RPL3: variants seen among roughly 807,000 people sequenced by gnomAD.
RPL3 encodes the protein ribosomal protein L3, also known as large ribosomal subunit protein uL3.
In RPL3, 3 loss-of-function variants were observed where a neutral mutation model predicts 46.0. The ratio of observed to expected loss-of-function variants is 0.07; its 90% CI spans 0.03 to 0.17. The LOEUF (loss-of-function observed/expected upper bound fraction) is 0.17. RPL3 is among the 10% of genes least tolerant of loss of function. The pLI, the probability that RPL3 is intolerant of heterozygous loss-of-function variation, is 1.00. For missense variants in RPL3, 387 were observed against 532.7 expected, an observed-to-expected ratio of 0.73 and a Z score of 2.69; for synonymous variants, 224 against 190.8, an observed-to-expected ratio of 1.17 and a Z score of -1.43.
Position 39,318,817 on chromosome 22 carries a change from G to A in RPL3, c.4-225C>T, listed in dbSNP as rs188829693. ...ATCTTATTTCAAATCCTCTCAACCT[G>A]TAAGAAAACGACCCATTTTTTTTAT... On this transcript the variant is annotated intron_variant, in intron 1 of 9. Transcript: ENST00000216146. Among the ~76,000 whole-genome samples, 5 of 152,214 alleles carry A rather than the reference G, an allele frequency of 3.3e-5. No individual in the cohort carries two copies. The East Asian group carries it at 9.6e-4, about 29-fold the overall frequency.
chr22:39,313,459 C>G, intron 8 of RPL3, 149 bp from the exon 9 acceptor site: 2 of 1,376,844 alleles, frequency 1.5e-6, no homozygotes, highest in Non-Finnish European at 2.0e-6. Flanking sequence ...AAGCAGCAAA[C>G]AGCCCAGCAA....
Position 39,318,706 on chromosome 22 carries a change from C to T in RPL3, c.4-114G>A, listed in dbSNP as rs1922858459. 4.7e-6 allele frequency: 4 copies of T among 847,054 alleles called. No individual in the cohort carries two copies. The East Asian group carries it at 1.1e-4, about 23-fold the overall frequency. 52.5% of individuals were successfully genotyped at this position (847,054 alleles called of 1,614,324 possible). A position where few individuals can be genotyped will look rare whatever the true frequency, so the allele number is the denominator to read the frequency against. On this transcript the variant is annotated intron_variant, in intron 1 of 9. Coordinates refer to ENST00000216146, the MANE Select transcript of RPL3 (RefSeq NM_000967.4). ...AATACTGAAGAATCCTGACCAGACA[C>T]CCAGCAAGCCGAATAAAAAGGTCAT...
At chr22:39,316,508 G>A (rs1601629763) in intron 4 of RPL3, among the ~76,000 whole-genome samples, 198 bp downstream of exon 4, 1 of 152,196 alleles carries the variant, frequency 6.6e-6, no homozygotes, top group African/African-American at 2.4e-5. Flanking sequence ...TTTCAGGCAG[G>A]CATTTCAGTG....
Position 39,319,604 on chromosome 22 carries a change from AT to A in RPL3, c.-8del. 1.3e-6 allele frequency: 2 copies of A among 1,549,080 alleles called. No homozygotes were observed. The highest frequency in any genetic ancestry group is 8.8e-7 in the Non-Finnish European group (1 of 1,142,300). ...CCATTACAACACATACCATCACGCC[AT>A]CAAATCCCGCCGGTAGAGGCCGGTC... is the stretch of plus-strand genomic sequence containing the variant. On this transcript the variant is annotated 5_prime_UTR_variant, in exon 1 of 10. An upstream start codon of the reference 5' UTR is lost. Transcript: ENST00000216146.
chr22:39,318,939 G>C, intron 1 of RPL3: 1 of 508,208 alleles, frequency 2.0e-6, no homozygotes, highest in East Asian at 5.6e-5. Flanking sequence ...TAAAGAAAGG[G>C]ACTCCCGGGA....
In RPL3 at chr22:39,315,073, C is replaced by T. The variant is rs966443180; in HGVS notation, c.689-227G>A. Reference sequence around the variant, plus strand: ...TTAAGGCATCCATTAGTTTAAGCTCCCCCATTCACAGGGACTGACTAACAT... The same window carrying T: ...TTAAGGCATCCATTAGTTTAAGCTCTCCCATTCACAGGGACTGACTAACAT... On this transcript the variant is annotated intron_variant, in intron 5 of 9. Transcript: ENST00000216146. 6 of 701,414 alleles carry T rather than the reference C, an allele frequency of 8.6e-6. No individual in the cohort carries two copies. In the African/African-American group the frequency reaches 8.9e-5, roughly 10 times the overall value. 43.4% of individuals were successfully genotyped at this position (701,414 alleles called of 1,614,324 possible).
At chr22:39,318,358 C>A (rs78882338) in intron 2 of RPL3, 42 bp downstream of exon 2, 2 of 1,596,498 alleles carry the variant, frequency 1.3e-6, no homozygotes, top group African/African-American at 1.3e-5. Context: ...TTCCCTCCCC[C>A]TCCACTCCTA....
At chr22:39,315,790 C>T (rs1922650568) in intron 4 of RPL3, among the ~76,000 whole-genome samples, 2 of 152,192 alleles carry the variant, frequency 1.3e-5, no homozygotes, top group Non-Finnish European at 2.9e-5. Context: ...AGACCCACAC[C>T]ACAGGCAAAC....
In RPL3 at chr22:39,315,328, C is replaced by T. The variant is rs556721513; in HGVS notation, c.688+41G>A. 21 of 1,613,568 alleles carry T rather than the reference C, an allele frequency of 1.3e-5. No homozygotes were observed. The African/African-American group carries it at 2.1e-4, about 16-fold the overall frequency. On this transcript the variant is annotated intron_variant, in intron 5 of 9. Transcript: ENST00000216146. ...ACAGCTGGGCCTGAAACCACTTCTCCCCCAGGTTTGCACAGCAACTCAAGC... is the reference window on the plus strand; with the variant it reads ...ACAGCTGGGCCTGAAACCACTTCTCTCCCAGGTTTGCACAGCAACTCAAGC...
Position 39,314,681 on chromosome 22 carries a change from C to T in RPL3, c.849+5G>A, listed in dbSNP as rs747624112. On this transcript the variant is annotated splice_donor_5th_base_variant and intron_variant, in intron 6 of 9. Coordinates refer to ENST00000216146, the MANE Select transcript of RPL3 (RefSeq NM_000967.4). Reference sequence around the variant, plus strand: ...ACCCCCAGGGAGCCACTCTCAGAACCTCACCTTCTTGTTGATCTCAGTGCG... The same window carrying T: ...ACCCCCAGGGAGCCACTCTCAGAACTTCACCTTCTTGTTGATCTCAGTGCG... 19 of 1,610,920 alleles carry T rather than the reference C, an allele frequency of 1.2e-5. No individual in the cohort carries two copies. The South Asian group carries it at 1.8e-4, about 15-fold the overall frequency.
intron 5 of RPL3, 81 bp from the exon 6 acceptor site, chr22:39,314,927 A>C: frequency 1.3e-6 from 2 of 1,546,064 alleles, no homozygotes; most frequent in Non-Finnish European, 1.8e-6. Flanking sequence ...ATTACCAACC[A>C]TGGCTGGGTC....
chr22:39,318,253 C>G (rs1922826630), intron 2 of RPL3, 147 bp downstream of exon 2: 1 of 746,786 alleles, frequency 1.3e-6, no homozygotes, highest in Non-Finnish European at 2.2e-6. Flanking sequence ...GTTAAGCATT[C>G]CCATTCTGCT....
intron 6 of RPL3, 92 bp downstream of exon 6, chr22:39,314,594 A>G: frequency 7.3e-7 from 1 of 1,372,176 alleles, no homozygotes; most frequent in Admixed American, 2.1e-5. Context: ...CATAAGCTAC[A>G]GTCAGTGAAG....
intron 5 of RPL3, chr22:39,315,109 T>G: frequency 1.3e-6 from 1 of 748,592 alleles, no homozygotes; most frequent in East Asian, 2.5e-5. Context: ...AATTCCAAGC[T>G]CCCCTTTGCA....
At chr22:39,319,157 C>A in intron 1 of RPL3, 1 of 544,464 alleles carries the variant, frequency 1.8e-6, no homozygotes, top group South Asian at 1.4e-5. Flanking sequence ...CCAGCGGCCC[C>A]AGATATTCAG....
intron 7 of RPL3, 142 bp from the exon 8 acceptor site, chr22:39,313,871 G>T: frequency 1.1e-6 from 1 of 903,454 alleles, no homozygotes; most frequent in Non-Finnish European, 1.9e-6. Context: ...TGTCTCGGGC[G>T]CTGTGCCCAG....
At chr22:39,318,220 A>T in intron 2 of RPL3, 180 bp downstream of exon 2, 2 of 623,260 alleles carry the variant, frequency 3.2e-6, no homozygotes, top group South Asian at 4.2e-5. Flanking sequence ...GACCATCTGT[A>T]GCCTTGGAAT....
chr22:39,313,663 T>G lies in RPL3; in HGVS notation c.1018A>C (p.Thr340Pro), dbSNP rs1381083772. 6.2e-7 allele frequency: 1 copy of G among 1,614,020 alleles called. No homozygotes were observed. Among genetic ancestry groups the G allele is most frequent in the Admixed American group, 1.7e-5 (1 of 60,020 alleles). ...CGGAGGGTGAGCACCCGCTTCTTGG[T>G]TCCCACCACACAGCCTTTCAGCATG... is the stretch of plus-strand genomic sequence containing the variant. ...FVMLKGCVVG[T>P]KKRVLTLRKS... The change falls in exon 8 of 10, where the codon ACC (threonine) becomes CCC (proline). Residue 340 changes from threonine (T) to proline (P), a missense_variant. Physicochemically the swap from Thr to Pro is conservative, Grantham distance 38. Around this residue, in one of 5 missense-constraint regions of RPL3, gnomAD observed 131 missense variants for 185.1 expected, o/e 0.71. Transcript: ENST00000216146.
chr22:39,316,604 G>A, intron 4 of RPL3, 102 bp downstream of exon 4: 2 of 1,484,142 alleles, frequency 1.3e-6, no homozygotes, highest in South Asian at 2.4e-5. Flanking sequence ...CTGCTGGCAA[G>A]GGAGAAGCCT....
Sources: allele counts gnomAD v4.1 joint callset (sites outside exome capture counted in the v4.1 genomes callset), GRCh38; gene constraint gnomAD v4.1.1; regional missense constraint gnomAD v4.1.1; transcripts MANE v1.5; gene names NCBI Gene and HGNC (gene_info 2026-07-23, HGNC 2026-07-21).